FSTL5: variants seen among roughly 807,000 people sequenced by gnomAD.
FSTL5 encodes the protein follistatin like 5.
FSTL5 carries 62 observed loss-of-function variants against 89.1 expected under a neutral mutation model. The observed-to-expected ratio is 0.70, with a 90% confidence interval of 0.57 to 0.86. FSTL5 has a LOEUF of 0.86. Among genes scored for constraint, FSTL5 ranks in the 40% least tolerant of loss-of-function variants. The pLI is 0.00. For synonymous variants in FSTL5, 383 were observed against 346.2 expected (o/e 1.11, Z -1.18); for missense variants, 1,057 against 1,001.6 (o/e 1.06, Z -0.75).
chr4:162,033,417 C>T (rs1737612935), intron 3 of FSTL5, among the ~76,000 whole-genome samples: 2 of 152,116 alleles, frequency 1.3e-5, no homozygotes, highest in Admixed American at 1.3e-4. Context: ...TTCAAGAGCA[C>T]AGTATGAAGA....
At chr4:161,427,210 A>C (rs991004680) in intron 15 of FSTL5, among the ~76,000 whole-genome samples, 1 of 152,182 alleles carries the variant, frequency 6.6e-6, no homozygotes, top group African/African-American at 2.4e-5. Context: ...TTATTTTATT[A>C]AACTTCTGCT....
At chr4:161,682,635 C>T (rs1326353674) in intron 6 of FSTL5, among the ~76,000 whole-genome samples, 2 of 152,132 alleles carry the variant, frequency 1.3e-5, no homozygotes, top group Admixed American at 6.5e-5. Context: ...ACATCTTGTC[C>T]CACTGGAAGG....
intron 5 of FSTL5, among the ~76,000 whole-genome samples, chr4:161,771,579 G>C (rs558588514): frequency 6.6e-6 from 1 of 152,096 alleles, no homozygotes; most frequent in African/African-American, 2.4e-5. Flanking sequence ...CATCAATTTA[G>C]GGCCACTACT....
At chr4:161,694,321 T>C (rs2126723006) in intron 6 of FSTL5, among the ~76,000 whole-genome samples, 1 of 152,274 alleles carries the variant, frequency 6.6e-6, no homozygotes, top group East Asian at 1.9e-4. Flanking sequence ...TGATGGTAGG[T>C]ACCTTAGGCT....
intron 15 of FSTL5, among the ~76,000 whole-genome samples, chr4:161,434,511 C>G (rs182230809): frequency 2.6e-5 from 4 of 151,964 alleles, no homozygotes; most frequent in East Asian, 3.9e-4. Flanking sequence ...GCAAGTTGGA[C>G]TAGGCAAAGA....
intron 12 of FSTL5, among the ~76,000 whole-genome samples, chr4:161,484,708 C>T (rs72988959): frequency 0.054 from 8,189 of 152,148 alleles, 613 homozygotes; most frequent in African/African-American, 0.17. Flanking sequence ...TCCTTTATTT[C>T]TCATTGGAAA....
intron 3 of FSTL5, among the ~76,000 whole-genome samples, chr4:161,952,996 G>C (rs1350372709): frequency 3.3e-5 from 5 of 151,712 alleles, no homozygotes; most frequent in African/African-American, 9.6e-5. Flanking sequence ...CTCAAGGCTT[G>C]GTTCCTTATC....
intron 7 of FSTL5, among the ~76,000 whole-genome samples, chr4:161,600,794 C>T (rs1017154169): frequency 1.3e-5 from 2 of 152,110 alleles, no homozygotes; most frequent in African/African-American, 4.8e-5. Flanking sequence ...AATACACATT[C>T]CAGACTTCTG....
intron 7 of FSTL5, among the ~76,000 whole-genome samples, chr4:161,598,370 G>A (rs981737281): frequency 1.6e-4 from 20 of 124,588 alleles, no homozygotes; most frequent in African/African-American, 4.9e-4. Flanking sequence ...GTGAGACCCT[G>A]TCTCAAAACA....
intron 4 of FSTL5, among the ~76,000 whole-genome samples, chr4:161,817,439 A>G (rs1730356519): frequency 6.6e-6 from 1 of 152,204 alleles, no homozygotes; most frequent in African/African-American, 2.4e-5. Flanking sequence ...AATTCTCAAT[A>G]TACTGGTGGA....
chr4:161,534,318 T>TA (rs1181268101), intron 10 of FSTL5, among the ~76,000 whole-genome samples: 4 of 152,048 alleles, frequency 2.6e-5, no homozygotes, highest in Non-Finnish European at 5.9e-5. Flanking sequence ...TATGATCCTA[T>TA]ACATAAAAAA....
chr4:162,039,711 A>C (rs978777715), intron 2 of FSTL5, among the ~76,000 whole-genome samples: 2 of 152,022 alleles, frequency 1.3e-5, no homozygotes, highest in African/African-American at 4.8e-5. Context: ...GAGAAAACTC[A>C]AATGTGTAGA....
intron 2 of FSTL5, among the ~76,000 whole-genome samples, chr4:162,037,403 A>C (rs7675489): frequency 0.093 from 14,137 of 151,842 alleles, 777 homozygotes; most frequent in Non-Finnish European, 0.12. Flanking sequence ...GAAATTTGAG[A>C]AGATGGAGAA....
rs201256184 is a variant in FSTL5, at chr4:161,854,787, T to TTA, written c.409+65615_409+65616dup. On this transcript the variant is annotated intron_variant, in intron 4 of 15. Transcript: ENST00000306100. ...CACAAAATTCAGTATGTGCCATATTTTATATATATATACCTTTACTTTTTA... is the reference window on the plus strand; with the variant it reads ...CACAAAATTCAGTATGTGCCATATTTTATATATATATATACCTTTACTTTTTA... Among the ~76,000 whole-genome samples the TTA allele has an allele frequency of 4.8e-3, 726 of 151,998 alleles. 5 individuals are homozygous for TTA. Among genetic ancestry groups the TTA allele is most frequent in the African/African-American group, 0.016 (659 of 41,514 alleles).
At chr4:161,608,132 T>C (rs1734515804) in intron 7 of FSTL5, among the ~76,000 whole-genome samples, 1 of 152,096 alleles carries the variant, frequency 6.6e-6, no homozygotes, top group South Asian at 2.1e-4. Context: ...TCACTCTACC[T>C]CACAAGTAGA....
chr4:161,670,803 T>C (rs1737074423), intron 6 of FSTL5, among the ~76,000 whole-genome samples: 1 of 152,204 alleles, frequency 6.6e-6, no homozygotes, highest in South Asian at 2.1e-4. Flanking sequence ...TATGCAAATC[T>C]AGAAACAAAT....
chr4:161,796,481 C>T (rs150888516), intron 4 of FSTL5, among the ~76,000 whole-genome samples: 1 of 151,650 alleles, frequency 6.6e-6, no homozygotes, highest in African/African-American at 2.4e-5. Context: ...TTATCTTAAT[C>T]CTACATAAAC....
intron 2 of FSTL5, among the ~76,000 whole-genome samples, chr4:162,037,649 T>C (rs915540561): frequency 6.6e-6 from 1 of 151,922 alleles, no homozygotes; most frequent in African/African-American, 2.4e-5. Context: ...AATGCAAATC[T>C]GTCTAAATAT....
chr4:162,072,723 G>A (rs2111313404), intron 2 of FSTL5, among the ~76,000 whole-genome samples: 1 of 151,868 alleles, frequency 6.6e-6, no homozygotes, highest in South Asian at 2.1e-4. Flanking sequence ...GTGTCTAACT[G>A]ACTGGGTCAC....
Sources: allele counts gnomAD v4.1 joint callset (sites outside exome capture counted in the v4.1 genomes callset), GRCh38; gene constraint gnomAD v4.1.1; transcripts MANE v1.5; gene names NCBI Gene and HGNC (gene_info 2026-07-23, HGNC 2026-07-21).